MET: variants seen among roughly 807,000 people sequenced by gnomAD.
The protein encoded by MET is MET proto-oncogene, receptor tyrosine kinase, also known as hepatocyte growth factor receptor.
MET carries 48 observed loss-of-function variants against 133.1 expected under a neutral mutation model. That is an observed-to-expected ratio of 0.36 (90% CI 0.29 to 0.46). MET has a LOEUF of 0.46. MET is among the 20% of genes least tolerant of loss of function. MET has a pLI of 1.00. For synonymous variants in MET, 628 were observed against 616.5 expected, an observed-to-expected ratio of 1.02 and a Z score of -0.28; for missense variants, 1,442 against 1,695.9, an observed-to-expected ratio of 0.85 and a Z score of 2.63.
At chr7:116,789,508 A>G (rs1344563062) in intron 19 of MET, among the ~76,000 whole-genome samples, 5 of 152,236 alleles carry the variant, frequency 3.3e-5, no homozygotes. Context: ...CAATCAGGAC[A>G]TAGAACAGTT....
At chr7:116,763,017 C>T (rs2116953031) in intron 10 of MET, 33 bp from the exon 11 acceptor site, 1 of 1,561,864 alleles carries the variant, frequency 6.4e-7, no homozygotes, top group Non-Finnish European at 8.8e-7. Context: ...AAGCTGTATT[C>T]TGTTTACAGT....
At chr7:116,673,273 G>A (rs1451523237) in intron 1 of MET, among the ~76,000 whole-genome samples, 1 of 152,190 alleles carries the variant, frequency 6.6e-6, no homozygotes, top group African/African-American at 2.4e-5. Context: ...TATCTTTCAT[G>A]TTTTAAAAGA....
rs1174194833 is a variant in MET, at chr7:116,795,911, G to A, written c.3960G>A (p.Trp1320Ter). 11 of 1,614,016 alleles carry A rather than the reference G, an allele frequency of 6.8e-6. No individual in the cohort carries two copies. Among genetic ancestry groups the A allele is most frequent in the Non-Finnish European group, 9.3e-6 (11 of 1,180,038 alleles). ...GATATGAAGTAATGCTAAAATGCTG[G>A]CACCCTAAAGCCGAAATGCGCCCAT... ...DPLYEVMLKCWHPKAEMRPSF... is the reference protein window; with the variant it reads ...DPLYEVMLKC The change falls in exon 21 of 21, where the codon TGG (tryptophan) becomes TGA (stop). Residue 1320 changes from tryptophan (W) to a stop codon, truncating the protein, a stop_gained. Transcript: ENST00000397752. LOFTEE classifies it high-confidence loss of function.
Position 116,699,692 on chromosome 7 carries a change from C to T in MET, c.608C>T (p.Ser203Phe), listed in dbSNP as rs2116593187. The change falls in exon 2 of 21, where the codon TCT becomes TTT. Residue 203 changes from serine to phenylalanine, a missense_variant. Transcript: ENST00000397752. Reference protein sequence around the residue: ...INFFVGNTINSSYFPDHPLHS... With the variant: ...INFFVGNTINFSYFPDHPLHS... ...TTCTTTGTAGGCAATACCATAAATT[C>T]TTCTTATTTCCCAGATCATCCATTG... is the stretch of plus-strand genomic sequence containing the variant. The T allele has an allele frequency of 6.2e-7, 1 of 1,613,974 alleles. No individual in the cohort carries two copies. The highest frequency in any genetic ancestry group is 8.5e-7 in the Non-Finnish European group (1 of 1,179,944).
At chr7:116,726,487 C>A (rs972159646) in intron 2 of MET, among the ~76,000 whole-genome samples, 6 of 151,840 alleles carry the variant, frequency 4.0e-5, no homozygotes, top group African/African-American at 1.5e-4. Context: ...CCTTTCCCAG[C>A]CAATAAAGCA....
intron 3 of MET, 155 bp downstream of exon 3, chr7:116,732,014 C>T (rs1016731598): frequency 3.0e-5 from 22 of 737,798 alleles, no homozygotes; most frequent in Admixed American, 1.3e-4. Context: ...GAAGCCTGGT[C>T]TACTTTCTGT....
intron 10 of MET, among the ~76,000 whole-genome samples, chr7:116,759,879 C>G (rs1323439654): frequency 6.6e-6 from 1 of 152,110 alleles, no homozygotes; most frequent in Non-Finnish European, 1.5e-5. Context: ...CAGGTTCAAG[C>G]GATTCTCCAC....
At chr7:116,748,150 A>G (rs975080967) in intron 5 of MET, among the ~76,000 whole-genome samples, 1 of 152,140 alleles carries the variant, frequency 6.6e-6, no homozygotes, top group African/African-American at 2.4e-5. Context: ...AGGCTGAGGC[A>G]GGAGAATGGT....
At chr7:116,770,511 A>G (rs1476359557) in intron 12 of MET, among the ~76,000 whole-genome samples, 1 of 152,072 alleles carries the variant, frequency 6.6e-6, no homozygotes, top group Non-Finnish European at 1.5e-5. Context: ...CATCAGCATT[A>G]CCTAATTCCA....
intron 11 of MET, 145 bp downstream of exon 11, chr7:116,763,413 G>A (rs908190254): frequency 1.2e-5 from 9 of 764,900 alleles, no homozygotes; most frequent in Admixed American, 2.2e-5. Context: ...AATCTTTTTG[G>A]CATAAAACTA....
At chr7:116,784,744 C>T (rs1400971832) in intron 19 of MET, among the ~76,000 whole-genome samples, 1 of 152,114 alleles carries the variant, frequency 6.6e-6, no homozygotes, top group African/African-American at 2.4e-5. Context: ...GCCCTAGTTC[C>T]TCCCAAATCT....
chr7:116,673,173 G>A (rs1196895647), intron 1 of MET, among the ~76,000 whole-genome samples: 1 of 152,200 alleles, frequency 6.6e-6, no homozygotes, highest in Non-Finnish European at 1.5e-5. Flanking sequence ...GCCAGTCGTA[G>A]TGCTGACCCG....
At chr7:116,789,557 C>T (rs1795421243) in intron 19 of MET, among the ~76,000 whole-genome samples, 1 of 152,174 alleles carries the variant, frequency 6.6e-6, no homozygotes, top group Non-Finnish European at 1.5e-5. Context: ...CCTTTGTAGT[C>T]AACCTCTACC....
intron 19 of MET, among the ~76,000 whole-genome samples, chr7:116,788,406 T>C (rs1190898645): frequency 3.3e-5 from 5 of 152,206 alleles, no homozygotes; most frequent in African/African-American, 1.2e-4. Context: ...GATGAAATTT[T>C]GGATGTTTAG....
At chr7:116,716,511 AAG>A (rs1294521418) in intron 2 of MET, among the ~76,000 whole-genome samples, 1 of 151,698 alleles carries the variant, frequency 6.6e-6, no homozygotes, top group Admixed American at 6.6e-5. Context: ...GAAAGAAAGA[AAG>A]AAAGAAAGAA....
chr7:116,781,857 C>A, intron 17 of MET, 131 bp from the exon 18 acceptor site: 2 of 694,114 alleles, frequency 2.9e-6, no homozygotes, highest in Non-Finnish European at 5.1e-6. Flanking sequence ...GGATTACAGG[C>A]TTGAGCCATT....
chr7:116,752,465 CAG>C (rs1055698527), intron 5 of MET, among the ~76,000 whole-genome samples: 2 of 152,168 alleles, frequency 1.3e-5, no homozygotes, highest in Admixed American at 6.5e-5. Context: ...TTCCTGCCCA[CAG>C]AGTTTCTCTG....
intron 3 of MET, among the ~76,000 whole-genome samples, chr7:116,734,536 T>C (rs1350889917): frequency 6.6e-6 from 1 of 152,274 alleles, no homozygotes; most frequent in Non-Finnish European, 1.5e-5. Context: ...GTTCCTAACA[T>C]TTAATGATGT....
intron 5 of MET, among the ~76,000 whole-genome samples, chr7:116,751,488 A>G (rs1036106957): frequency 6.6e-6 from 1 of 152,038 alleles, no homozygotes; most frequent in Non-Finnish European, 1.5e-5. Flanking sequence ...AGATAATCTT[A>G]TGTGTCTTAA....
Sources: gnomAD v4.1 joint callset for allele counts (sites outside exome capture counted in the v4.1 genomes callset) on GRCh38, gnomAD v4.1.1 for gene constraint, MANE v1.5 for transcripts, NCBI Gene and HGNC (gene_info 2026-07-23, HGNC 2026-07-21) for gene names.